Variants in SLC15A5 observed in about 807,000 individuals in gnomAD.
The protein encoded by SLC15A5 is solute carrier family 15 member 5, also known as Peptide/histidine transporter ENSP00000340402.
SLC15A5 carries 58 observed loss-of-function variants against 56.1 expected under a neutral mutation model. That is an observed-to-expected ratio of 1.03 (90% CI 0.84 to 1.29). SLC15A5 has a LOEUF of 1.29. SLC15A5 is among the 50% of genes most tolerant of loss of function. The pLI, the probability that SLC15A5 is intolerant of heterozygous loss-of-function variation, is 0.00. For missense variants in SLC15A5, 681 were observed against 672.1 expected (o/e 1.01, Z -0.15); for synonymous variants, 264 against 250.5 (o/e 1.05, Z -0.51).
At chr12:16,195,704 T>G (rs1019562051) in intron 7 of SLC15A5, among the ~76,000 whole-genome samples, 2 of 152,090 alleles carry the variant, frequency 1.3e-5, no homozygotes, top group Non-Finnish European at 2.9e-5. Flanking sequence ...GTAGGGTTGT[T>G]TCCTGCAGTA....
At chr12:16,274,831 C>A (rs746050366) in intron 1 of SLC15A5, among the ~76,000 whole-genome samples, 1 of 152,088 alleles carries the variant, frequency 6.6e-6, no homozygotes, top group Admixed American at 6.6e-5. Flanking sequence ...TTACTTCCAT[C>A]TTTTGAGAAA....
At position 16,199,168 on chromosome 12, in the gene SLC15A5, C is replaced by T. The variant is rs142600126; in HGVS notation, c.1484-4715G>A. On this transcript the variant is annotated intron_variant, in intron 7 of 8. Coordinates refer to ENST00000344941, the MANE Select transcript of SLC15A5 (RefSeq NM_001170798.1). ...CCCTTTGTTACTACAAAGCCTGCCC[C>T]CCACAGACCCTGCTTGTTCACTGTA... Among the ~76,000 whole-genome samples, 313 of 152,132 alleles carry T rather than the reference C, an allele frequency of 2.1e-3. 1 individual carries two copies. The highest frequency in any genetic ancestry group is 1.2e-3 in the Non-Finnish European group (80 of 68,000).
chr12:16,199,997 T>G (rs917223904), intron 7 of SLC15A5, among the ~76,000 whole-genome samples: 1 of 152,026 alleles, frequency 6.6e-6, no homozygotes, highest in South Asian at 2.1e-4. Context: ...TCACTTTAAC[T>G]GTAGACTTTA....
chr12:16,198,922 T>C (rs1863921940), intron 7 of SLC15A5, among the ~76,000 whole-genome samples: 1 of 152,108 alleles, frequency 6.6e-6, no homozygotes, highest in African/African-American at 2.4e-5. Flanking sequence ...CCTTTGAGCC[T>C]CACAGGCCCC....
intron 7 of SLC15A5, among the ~76,000 whole-genome samples, chr12:16,195,588 A>G (rs914001124): frequency 3.3e-5 from 5 of 152,058 alleles, no homozygotes; most frequent in African/African-American, 1.2e-4. Context: ...TTGCCTTTTT[A>G]TAGGAACAAC....
intron 2 of SLC15A5, among the ~76,000 whole-genome samples, chr12:16,266,716 T>G (rs1864700932): frequency 6.6e-6 from 1 of 152,212 alleles, no homozygotes; most frequent in African/African-American, 2.4e-5. Context: ...TCCTTTCATC[T>G]CATAGCTCAC....
chr12:16,244,452 T>G, intron 4 of SLC15A5, 128 bp downstream of exon 4: 1 of 826,274 alleles, frequency 1.2e-6, no homozygotes, highest in Non-Finnish European at 1.9e-6. Flanking sequence ...ATGAGAAGTT[T>G]CTGTGGGGAT....
At chr12:16,189,907 T>C (rs554678298) in intron 8 of SLC15A5, 92 bp from the exon 9 acceptor site, 1 of 946,398 alleles carries the variant, frequency 1.1e-6, no homozygotes, top group East Asian at 2.7e-5. Context: ...CTACCTTTTA[T>C]GATGGGCTCA....
chr12:16,258,124 G>A (rs1458957966), intron 2 of SLC15A5, among the ~76,000 whole-genome samples: 1 of 152,120 alleles, frequency 6.6e-6, no homozygotes, highest in Non-Finnish European at 1.5e-5. Context: ...CTAAATCAGA[G>A]GTTGGCAAAA....
At chr12:16,231,365 G>A (rs1864296400) in intron 5 of SLC15A5, among the ~76,000 whole-genome samples, 1 of 151,994 alleles carries the variant, frequency 6.6e-6, no homozygotes, top group African/African-American at 2.4e-5. Context: ...AAACAATGGT[G>A]GACAAAAATT....
At chr12:16,223,698 AT>A (rs1189159085) in intron 6 of SLC15A5, among the ~76,000 whole-genome samples, 7 of 147,884 alleles carry the variant, frequency 4.7e-5, no homozygotes, top group Non-Finnish European at 8.9e-5. Flanking sequence ...ATTAAGTGTC[AT>A]TTTTGGAGGA....
chr12:16,260,931 T>A (rs1214071339), intron 2 of SLC15A5, among the ~76,000 whole-genome samples: 1 of 152,208 alleles, frequency 6.6e-6, no homozygotes, highest in Non-Finnish European at 1.5e-5. Flanking sequence ...TTTGACACTT[T>A]TGTTGAAAAT....
chr12:16,208,379 C>G (rs894103784), intron 7 of SLC15A5, among the ~76,000 whole-genome samples: 1 of 152,128 alleles, frequency 6.6e-6, no homozygotes, highest in Non-Finnish European at 1.5e-5. Context: ...AAATGTCTCT[C>G]AGAAATAAAG....
At chr12:16,234,953 G>T (rs1020592038) in intron 5 of SLC15A5, among the ~76,000 whole-genome samples, 1 of 152,080 alleles carries the variant, frequency 6.6e-6, no homozygotes, top group Non-Finnish European at 1.5e-5. Context: ...TGATATGTAA[G>T]CTCACAGCCT....
At chr12:16,272,288 A>G (rs1226014898) in intron 2 of SLC15A5, among the ~76,000 whole-genome samples, 4 of 152,152 alleles carry the variant, frequency 2.6e-5, no homozygotes, top group Non-Finnish European at 4.4e-5. Flanking sequence ...TTCCAAAGCC[A>G]CATTCTATTC....
intron 5 of SLC15A5, among the ~76,000 whole-genome samples, chr12:16,239,138 A>G (rs563984883): frequency 3.5e-4 from 54 of 152,318 alleles, no homozygotes; most frequent in African/African-American, 1.3e-3. Context: ...CAGGCAGAGG[A>G]GAATATGATC....
In SLC15A5 at chr12:16,244,729, G is replaced by T; in HGVS notation, c.826C>A (p.Leu276Ile). The change falls in exon 4 of 9, where the codon CTT (leucine) becomes ATT (isoleucine). Residue 276 changes from leucine to isoleucine, a missense_variant. Coordinates refer to ENST00000344941, the MANE Select transcript of SLC15A5 (RefSeq NM_001170798.1). ...LKTCHPQYCH[L>I]GRDVTSQLDH... Reference sequence around the variant, plus strand: ...AACTGGCTTGTCACGTCTCTGCCAAGATGGCAGTATTGCGGGTGGCATGTT... The same window carrying T: ...AACTGGCTTGTCACGTCTCTGCCAATATGGCAGTATTGCGGGTGGCATGTT... 2 of 1,537,684 alleles carry T rather than the reference G, an allele frequency of 1.3e-6. No individual in the cohort carries two copies. Among genetic ancestry groups the T allele is most frequent in the Non-Finnish European group, 1.7e-6 (2 of 1,147,010 alleles).
intron 3 of SLC15A5, among the ~76,000 whole-genome samples, chr12:16,252,064 A>G (rs1432292801): frequency 1.3e-5 from 2 of 152,072 alleles, no homozygotes; most frequent in Non-Finnish European, 2.9e-5. Context: ...CAAAAACCAC[A>G]TGATCATCTC....
Position 16,243,951 on chromosome 12 carries a change from A to G in SLC15A5, c.975+629T>C, listed in dbSNP as rs758576448. On this transcript the variant is annotated intron_variant, in intron 4 of 8. Transcript: ENST00000344941. The surrounding 1 kb of genome is among the most constrained non-coding windows in gnomAD (Gnocchi z 4.4). Reference sequence around the variant, plus strand: ...CCAGATTTGTTCAAATACTTTTGTAATCATTTATTTTTCTCAGTAAATAAG... The same window carrying G: ...CCAGATTTGTTCAAATACTTTTGTAGTCATTTATTTTTCTCAGTAAATAAG... Among the ~76,000 whole-genome samples, 34 of 152,340 alleles carry G rather than the reference A, an allele frequency of 2.2e-4. 1 individual carries two copies. In the Middle Eastern group the frequency reaches 0.01, roughly 46 times the overall value.
Sources: gnomAD v4.1 joint callset for allele counts (sites outside exome capture counted in the v4.1 genomes callset) on GRCh38, gnomAD v4.1.1 for gene constraint, Gnocchi (gnomAD v3.1) non-coding constraint, MANE v1.5 for transcripts, NCBI Gene and HGNC (gene_info 2026-07-23, HGNC 2026-07-21) for gene names.